The following MEGF11 variants were observed in gnomAD, a reference collection of about 807,000 sequenced individuals.
MEGF11 encodes the protein multiple epidermal growth factor-like domains protein 11.
Under a neutral mutation model 146.6 loss-of-function variants are expected in MEGF11, and 126 were observed. The observed-to-expected ratio is 0.86, with a 90% confidence interval of 0.74 to 1.00. The LOEUF is 1.00. Among genes scored for constraint, MEGF11 ranks in the 50% least tolerant of loss-of-function variants. The pLI is 0.00. For missense variants in MEGF11, 1,509 were observed against 1,521.2 expected, an observed-to-expected ratio of 0.99 and a Z score of 0.13; for synonymous variants, 532 against 583.4, an observed-to-expected ratio of 0.91 and a Z score of 1.27.
intron 1 of MEGF11, among the ~76,000 whole-genome samples, chr15:66,232,728 T>C (rs7176045): frequency 0.46 from 69,862 of 151,952 alleles, 17,015 homozygotes; most frequent in East Asian, 0.68. Context: ...TGAGTGCCTA[T>C]GAGGGAAAAG....
chr15:66,153,181 T>G (rs1320988971), intron 1 of MEGF11, among the ~76,000 whole-genome samples: 2 of 152,172 alleles, frequency 1.3e-5, no homozygotes, highest in Non-Finnish European at 2.9e-5. Context: ...CTAACAGAGC[T>G]CACTTGGAGC....
chr15:66,019,913 C>A (rs2083046454), intron 5 of MEGF11, among the ~76,000 whole-genome samples: 1 of 152,352 alleles, frequency 6.6e-6, no homozygotes, highest in Non-Finnish European at 1.5e-5. Flanking sequence ...TAAGCTATTT[C>A]CACCGCTACC....
At chr15:65,972,609 G>A (rs1179432135) in intron 7 of MEGF11, among the ~76,000 whole-genome samples, 1 of 152,032 alleles carries the variant, frequency 6.6e-6, no homozygotes, top group Non-Finnish European at 1.5e-5. Context: ...GAATTAAGAG[G>A]GTTTAGACTT....
At chr15:66,224,853 T>C (rs1377052857) in intron 1 of MEGF11, among the ~76,000 whole-genome samples, 5 of 151,802 alleles carry the variant, frequency 3.3e-5, no homozygotes, top group Non-Finnish European at 1.5e-5. Context: ...ATTGGTTTAG[T>C]GACGGGCAAG....
chr15:66,208,099 AAAG>A (rs1348687142), intron 1 of MEGF11, among the ~76,000 whole-genome samples: 17 of 152,206 alleles, frequency 1.1e-4, no homozygotes, highest in East Asian at 3.9e-4. Flanking sequence ...AAAAAAAAAA[AAAG>A]AAGAAGAAGC....
chr15:66,150,959 G>T (rs1269152053), intron 1 of MEGF11, among the ~76,000 whole-genome samples: 1 of 151,928 alleles, frequency 6.6e-6, no homozygotes, highest in African/African-American at 2.4e-5. Flanking sequence ...TTGCCACCAG[G>T]ATCACCCTGC....
chr15:65,913,686 G>A, intron 20 of MEGF11, 51 bp downstream of exon 20: 3 of 1,479,066 alleles, frequency 2.0e-6, no homozygotes, highest in Non-Finnish European at 2.8e-6. Context: ...CATTCCTGGG[G>A]TATGTGTGTG....
chr15:65,993,357 C>T (rs1431629526), intron 5 of MEGF11, among the ~76,000 whole-genome samples: 3 of 152,174 alleles, frequency 2.0e-5, no homozygotes, highest in African/African-American at 7.2e-5. Flanking sequence ...CAAAGCCCTC[C>T]CCTCCACCCA....
intron 16 of MEGF11, among the ~76,000 whole-genome samples, chr15:65,917,407 C>A (rs1055105368): frequency 1.3e-5 from 2 of 152,206 alleles, no homozygotes; most frequent in African/African-American, 4.8e-5. Flanking sequence ...CCTCAGCCAT[C>A]TAACTAGGAC....
At chr15:65,929,951 C>A (rs911972828) in intron 11 of MEGF11, 68 bp from the exon 12 acceptor site, 24 of 1,463,952 alleles carry the variant, frequency 1.6e-5, no homozygotes, top group Non-Finnish European at 2.2e-5. Flanking sequence ...CCCACTCCCC[C>A]CAGCTCTGCA....
rs771677830 is a variant in MEGF11, at chr15:65,898,761, A to G, written c.3229T>C (p.Leu1077=). Residue 1077 remains leucine, a synonymous_variant, in exon 25 of 26, where the codon TTG becomes CTG. Transcript: ENST00000395614. The part of the protein sequence containing the change: ...MGSPYTDVPS[L]STSNKNIYEV... ...TATATATTTTTATTAGATGTCGACA[A>G]GGATGGCACATCTGTGTACGGAGAC... is the stretch of plus-strand genomic sequence containing the variant. 1.9e-6 allele frequency: 3 copies of G among 1,613,970 alleles called. No individual in the cohort carries two copies. The highest frequency in any genetic ancestry group is 2.5e-6 in the Non-Finnish European group (3 of 1,179,846).
intron 1 of MEGF11, among the ~76,000 whole-genome samples, chr15:66,171,363 G>A (rs2090250578): frequency 6.6e-6 from 1 of 152,216 alleles, no homozygotes; most frequent in African/African-American, 2.4e-5. Context: ...CAAGGCCCTT[G>A]CCTCTAAGAT....
chr15:65,967,411 C>A (rs144537947), intron 8 of MEGF11, among the ~76,000 whole-genome samples: 2 of 152,048 alleles, frequency 1.3e-5, no homozygotes, highest in Non-Finnish European at 2.9e-5. Flanking sequence ...TTCTGTATAT[C>A]TTCTACAGTA....
intron 5 of MEGF11, among the ~76,000 whole-genome samples, chr15:66,014,007 G>A (rs79392178): frequency 0.011 from 1,696 of 152,316 alleles, 23 homozygotes; most frequent in Non-Finnish European, 0.015. Context: ...CATGGTTGGG[G>A]TGGTGGTTCT....
At chr15:65,921,089 A>G (rs1487770007) in intron 15 of MEGF11, among the ~76,000 whole-genome samples, 1 of 152,244 alleles carries the variant, frequency 6.6e-6, no homozygotes. Context: ...AGCATCATGT[A>G]GTAAACTTTC....
chr15:66,138,063 A>G (rs1243902650), intron 1 of MEGF11, among the ~76,000 whole-genome samples: 1 of 152,164 alleles, frequency 6.6e-6, no homozygotes, highest in African/African-American at 2.4e-5. Context: ...ATCCCATCTT[A>G]AAAAATTTTT....
Position 65,964,930 on chromosome 15 carries a change from A to T in MEGF11, c.1090T>A (p.Cys364Ser). 1 of 1,569,550 alleles carries T rather than the reference A, an allele frequency of 6.4e-7. No homozygotes were observed. Among genetic ancestry groups the T allele is most frequent in the South Asian group, 1.2e-5 (1 of 85,498 alleles). The change falls in exon 9 of 26, where the codon TGT (cysteine) becomes AGT (serine). Residue 364 changes from cysteine (C) to serine (S), a missense_variant. Cys to Ser is a moderately radical substitution (Grantham distance 112). Transcript: ENST00000395614. Reference sequence around the variant, plus strand: ...TACCTGATGGTGTTGTCAGCGTCACAGGGGCAGGGCAGGGTGCAGCCTGGG... The same window carrying T: ...TACCTGATGGTGTTGTCAGCGTCACTGGGGCAGGGCAGGGTGCAGCCTGGG... ...HGPGCTLPCP[C>S]DADNTISCHP... is the part of the protein sequence containing the mutation.
chr15:66,166,752 A>G (rs1316762118), intron 1 of MEGF11, among the ~76,000 whole-genome samples: 1 of 151,952 alleles, frequency 6.6e-6, no homozygotes, highest in Non-Finnish European at 1.5e-5. Flanking sequence ...CTTGTCATTC[A>G]AGTCATCGTC....
intron 15 of MEGF11, among the ~76,000 whole-genome samples, chr15:65,918,498 C>T (rs1036942326): frequency 1.3e-5 from 2 of 152,256 alleles, no homozygotes; most frequent in African/African-American, 4.8e-5. Context: ...ACGGATTCCA[C>T]AACCACGAGG....
Sources: gnomAD v4.1 joint callset for allele counts (sites outside exome capture counted in the v4.1 genomes callset) on GRCh38, gnomAD v4.1.1 for gene constraint, MANE v1.5 for transcripts, NCBI Gene and HGNC (gene_info 2026-07-23, HGNC 2026-07-21) for gene names.